The following HAUS7 variants were observed in gnomAD, a reference collection of about 807,000 sequenced individuals.
HAUS7 encodes HAUS augmin-like complex subunit 7.
In HAUS7, 3 loss-of-function variants were observed where a neutral mutation model predicts 28.4. The ratio of observed to expected loss-of-function variants is 0.11; its 90% CI spans 0.05 to 0.27. The LOEUF (loss-of-function observed/expected upper bound fraction) is 0.27. HAUS7 is among the 10% of genes least tolerant of loss of function. HAUS7 has a pLI of 1.00. For missense variants in HAUS7, 284 were observed against 297.3 expected (o/e 0.96, Z 0.33); for synonymous variants, 165 against 132.1 (o/e 1.25, Z -1.71).
Position 153,462,664 on chromosome X carries a change from C to T in HAUS7, c.300G>A (p.Thr100=), listed in dbSNP as rs782712663. The stretch of plus-strand genomic sequence containing the variant: ...ACAGCATCAGCTCGTGGCCCAGCTT[C>T]GTCATTTCTGTTGAAACACAAAGAG... ...VPTEVKIQEM[T]KLGHELMLCA... Residue 100 remains threonine, a synonymous_variant, in exon 4 of 10, where the codon ACG becomes ACA. Coordinates refer to ENST00000370211, the MANE Select transcript of HAUS7 (RefSeq NM_001385482.1). 52 of 1,204,249 alleles carry T rather than the reference C, an allele frequency of 4.3e-5. 1 individual carries two copies. In the Admixed American group the frequency reaches 9.7e-4, roughly 23 times the overall value.
intron 1 of HAUS7, among the ~76,000 whole-genome samples, chrX:153,487,489 C>T (rs1961249030): frequency 8.9e-6 from 1 of 112,174 alleles, no homozygotes; most frequent in Non-Finnish European, 1.9e-5. Flanking sequence ...CCCCCCCATT[C>T]CTGGCCCCAG....
rs373550165 is a variant in HAUS7, at chrX:153,456,442, G to A, written c.605+51C>T. On this transcript the variant is annotated intron_variant, in intron 6 of 9. Coordinates refer to ENST00000370211, the MANE Select transcript of HAUS7 (RefSeq NM_001385482.1). ...CAGTAACAGAACCAAGCAGCCTGGG[G>A]CTGGGACAGGAGGCCAGGGTGCTGC... 1.1e-4 allele frequency: 124 copies of A among 1,173,637 alleles called. No homozygotes were observed. In the African/African-American group the frequency reaches 1.9e-3, roughly 18 times the overall value.
upstream of HAUS7, chrX:153,470,768 G>T: frequency 1.9e-6 from 1 of 514,029 alleles, no homozygotes; most frequent in Non-Finnish European, 3.2e-6. Context: ...CAGTGAAGCG[G>T]GCAGGGCGGA....
At chrX:153,468,723 C>T (rs2124141853) in intron 2 of HAUS7, among the ~76,000 whole-genome samples, 1 of 112,189 alleles carries the variant, frequency 8.9e-6, no homozygotes, top group African/African-American at 3.2e-5. Flanking sequence ...CAGGAGCCCA[C>T]GCCCTGGCCC....
upstream of HAUS7, chrX:153,471,056 A>T (rs781958527): frequency 2.8e-5 from 9 of 317,271 alleles, no homozygotes; most frequent in South Asian, 2.4e-4. Context: ...TCCCAGGAGG[A>T]CCAAGGGGAG....
upstream of HAUS7, among the ~76,000 whole-genome samples, chrX:153,474,534 T>G (rs1441155946): frequency 1.2e-4 from 13 of 111,260 alleles, no homozygotes; most frequent in Non-Finnish European, 1.9e-4. Context: ...GAGGCAGTTG[T>G]AGGGGGTGTG....
chrX:153,483,822 G>A (rs782521142), intron 1 of HAUS7, among the ~76,000 whole-genome samples: 6 of 112,166 alleles, frequency 5.3e-5, no homozygotes, highest in African/African-American at 1.6e-4. Flanking sequence ...GAGGTGCCAC[G>A]GGCCTGGATG....
At chrX:153,469,342 G>A (rs1345721733) in intron 1 of HAUS7, 81 bp from the exon 2 acceptor site, 2 of 493,599 alleles carry the variant, frequency 4.1e-6, no homozygotes, top group Admixed American at 6.2e-5. Context: ...TTATTTTTGA[G>A]ACGGAGTCTC....
intron 1 of HAUS7, among the ~76,000 whole-genome samples, chrX:153,479,704 G>A (rs2089586291): frequency 8.9e-6 from 1 of 111,899 alleles, no homozygotes; most frequent in Non-Finnish European, 1.9e-5. Context: ...TGGCAGAGAG[G>A]GGCTTGAGGG....
At chrX:153,480,556 A>G (rs2089593296) in intron 1 of HAUS7, 1 of 752,699 alleles carries the variant, frequency 1.3e-6, no homozygotes, top group Non-Finnish European at 1.6e-6. Flanking sequence ...CAAGGCCCCC[A>G]GCCCACACTG....
At position 153,469,241 on chromosome X, in the gene HAUS7, G is replaced by A. The variant is rs369890157; in HGVS notation, c.129C>T (p.Leu43=). 48 of 1,150,491 alleles carry A rather than the reference G, an allele frequency of 4.2e-5. No homozygotes were observed. Among genetic ancestry groups the A allele is most frequent in the Non-Finnish European group, 5.5e-5 (46 of 840,667 alleles). 94.8% of individuals were successfully genotyped at this position (1,150,491 alleles called of 1,213,427 possible). A position where few individuals can be genotyped will look rare whatever the true frequency, so the allele number is the denominator to read the frequency against. Residue 43 remains leucine (L), a synonymous_variant, in exon 2 of 10, where the codon CTC becomes CTT. Transcript: ENST00000370211. The part of the protein sequence containing the change: ...GKLKDLNCPF[L]EGLYITEPKT... The stretch of plus-strand genomic sequence containing the variant: ...TTGGCTCTGTGATATACAGACCCTC[G>A]AGGAAGGGGCAGTTTAGGTCCTAAG...
At chrX:153,464,816 G>A (rs1408714936) in intron 3 of HAUS7, among the ~76,000 whole-genome samples, 172 bp downstream of exon 3, 2 of 112,207 alleles carry the variant, frequency 1.8e-5, no homozygotes, top group South Asian at 3.7e-4. Flanking sequence ...AGGTCCCTGC[G>A]AGAGGAGTTC....
upstream of HAUS7, among the ~76,000 whole-genome samples, chrX:153,472,548 C>G: frequency 9.3e-6 from 1 of 108,034 alleles, no homozygotes; most frequent in Non-Finnish European, 1.9e-5. Flanking sequence ...CTGGGCCTCT[C>G]AGGAAGGGGG....
At position 153,455,611 on chromosome X, in the gene HAUS7, T is replaced by C; in HGVS notation, c.861A>G (p.Pro287=). 8.3e-7 allele frequency: 1 copy of C among 1,209,938 alleles called. No homozygotes were observed. The highest frequency in any genetic ancestry group is 1.1e-6 in the Non-Finnish European group (1 of 893,679). Residue 287 remains proline, a synonymous_variant, in exon 8 of 10, where the codon CCA becomes CCG. Transcript: ENST00000370211. ...GGCCGCACGGGTGGAGGTCAGGGCC[T>C]GGGCGCTGGCAGCACTCGCCCAGCT... ...DDELGECCQR[P]GPDLHPCGPI...
At chrX:153,462,830 G>C (rs5987203) in intron 3 of HAUS7, among the ~76,000 whole-genome samples, 159 bp from the exon 4 acceptor site, 2,514 of 113,394 alleles carry the variant, frequency 0.022, 63 homozygotes, top group African/African-American at 0.076. Flanking sequence ...CTCTTGCTGA[G>C]TGGCCCCACC....
chrX:153,467,270 T>G (rs1322168559), intron 2 of HAUS7, among the ~76,000 whole-genome samples: 2 of 112,016 alleles, frequency 1.8e-5, no homozygotes, highest in African/African-American at 6.5e-5. Context: ...GCAGGGCTCC[T>G]TCTGTCTTTC....
At chrX:153,457,274 G>A (rs897687781) in intron 4 of HAUS7, 46 bp from the exon 5 acceptor site, 1 of 893,103 alleles carries the variant, frequency 1.1e-6, no homozygotes, top group Non-Finnish European at 1.6e-6. Context: ...ATCTAAGCCA[G>A]GCCAAGGCCA....
chrX:153,474,827 G>C (rs1313497193), upstream of HAUS7, among the ~76,000 whole-genome samples: 2 of 110,095 alleles, frequency 1.8e-5, no homozygotes, highest in Non-Finnish European at 3.8e-5. Flanking sequence ...GCACGTGCGC[G>C]GGGCGCAGCC....
At chrX:153,488,681 C>T (rs1556989063) in intron 1 of HAUS7, among the ~76,000 whole-genome samples, 1 of 112,891 alleles carries the variant, frequency 8.9e-6, no homozygotes, top group Non-Finnish European at 1.9e-5. Context: ...GACCCCTCCT[C>T]CCTGCCTGGC....
Sources: allele counts gnomAD v4.1 joint callset (sites outside exome capture counted in the v4.1 genomes callset), GRCh38; gene constraint gnomAD v4.1.1; transcripts MANE v1.5; gene names NCBI Gene and HGNC (gene_info 2026-07-23, HGNC 2026-07-21).